The following PLCL2 variants were observed in gnomAD, a reference collection of about 807,000 sequenced individuals.
PLCL2 encodes phospholipase C like 2.
In PLCL2, 4 loss-of-function variants were observed where a neutral mutation model predicts 79.6. The observed-to-expected ratio is 0.05, with a 90% CI of 0.02 to 0.11. The LOEUF is 0.11. PLCL2 is among the 10% of genes least tolerant of loss of function. PLCL2 has a pLI of 1.00. For synonymous variants in PLCL2, 484 were observed against 457.7 expected (o/e 1.06, Z -0.73); for missense variants, 895 against 1,291.0 (o/e 0.69, Z 4.70).
intron 1 of PLCL2, among the ~76,000 whole-genome samples, chr3:16,976,062 A>C (rs1024565404): frequency 5.9e-5 from 9 of 152,194 alleles, no homozygotes; most frequent in Non-Finnish European, 1.0e-4. Context: ...TCTGAGAAGA[A>C]GTGGGCAAGG....
chr3:16,940,700 A>G (rs528589364), intron 1 of PLCL2, among the ~76,000 whole-genome samples: 1 of 152,374 alleles, frequency 6.6e-6, no homozygotes, highest in South Asian at 2.1e-4. Flanking sequence ...ATAGAGGTTC[A>G]AATCTTGGCT....
At chr3:16,910,612 G>A (rs376274832) in intron 1 of PLCL2, among the ~76,000 whole-genome samples, 1 of 151,960 alleles carries the variant, frequency 6.6e-6, no homozygotes, top group African/African-American at 2.4e-5. Context: ...ATCCCGTCTT[G>A]TGGCTTTAAG....
chr3:16,973,866 A>G (rs902543700), intron 1 of PLCL2, among the ~76,000 whole-genome samples: 1 of 152,236 alleles, frequency 6.6e-6, no homozygotes, highest in Non-Finnish European at 1.5e-5. Flanking sequence ...AATGAGAGAA[A>G]TAGATATAAA....
At chr3:16,912,322 A>G (rs897974467) in intron 1 of PLCL2, among the ~76,000 whole-genome samples, 2 of 152,170 alleles carry the variant, frequency 1.3e-5, no homozygotes, top group Non-Finnish European at 2.9e-5. Flanking sequence ...ACTGACATGG[A>G]AGGATGAAAC....
intron 1 of PLCL2, among the ~76,000 whole-genome samples, chr3:16,991,658 A>T (rs1177937793): frequency 6.6e-6 from 1 of 152,116 alleles, no homozygotes; most frequent in Non-Finnish European, 1.5e-5. Flanking sequence ...GGCCATGGAG[A>T]GGGTTGGTTT....
chr3:16,957,012 T>C (rs1394673137), intron 1 of PLCL2, among the ~76,000 whole-genome samples: 1 of 152,216 alleles, frequency 6.6e-6, no homozygotes, highest in African/African-American at 2.4e-5. Context: ...GAAGGGTTTT[T>C]TGTGTCTCTA....
chr3:17,052,255 T>TG (rs141703393), intron 4 of PLCL2, among the ~76,000 whole-genome samples: 46,996 of 124,970 alleles, frequency 0.38, 9,867 homozygotes, highest in Non-Finnish European at 0.47. Flanking sequence ...AAAAAAAAAT[T>TG]GGGGGGGGGT....
At chr3:17,082,791 T>C (rs542551872) in intron 5 of PLCL2, among the ~76,000 whole-genome samples, 1 of 152,234 alleles carries the variant, frequency 6.6e-6, no homozygotes. Context: ...GACATAACTT[T>C]TCGTGAAGAA....
chr3:16,949,677 T>A (rs577122288), intron 1 of PLCL2, among the ~76,000 whole-genome samples: 1 of 152,336 alleles, frequency 6.6e-6, no homozygotes, highest in South Asian at 2.1e-4. Flanking sequence ...CTCCTCCCAC[T>A]TTGTTTAATT....
intron 1 of PLCL2, among the ~76,000 whole-genome samples, chr3:16,999,547 G>T (rs1226685090): frequency 6.6e-6 from 1 of 152,154 alleles, no homozygotes; most frequent in Non-Finnish European, 1.5e-5. Context: ...CTGTGAGGTA[G>T]GTACCATAAA....
intron 1 of PLCL2, among the ~76,000 whole-genome samples, chr3:16,899,006 G>A (rs1378983728): frequency 2.0e-5 from 3 of 152,254 alleles, no homozygotes; most frequent in Admixed American, 6.5e-5. Context: ...CATTAGTGCT[G>A]TGCTGGGGCG....
chr3:16,902,378 A>G (rs796154596), intron 1 of PLCL2, among the ~76,000 whole-genome samples: 6 of 152,284 alleles, frequency 3.9e-5, no homozygotes, highest in Admixed American at 1.3e-4. Context: ...AAATTAAACA[A>G]TTGCGTGATT....
At chr3:17,060,972 A>G (rs879489851) in intron 4 of PLCL2, among the ~76,000 whole-genome samples, 1 of 152,208 alleles carries the variant, frequency 6.6e-6, no homozygotes, top group Non-Finnish European at 1.5e-5. Context: ...GCTTTTTGGG[A>G]CAGCAAAGTA....
intron 3 of PLCL2, among the ~76,000 whole-genome samples, chr3:17,039,536 A>C (rs1254563887): frequency 6.6e-6 from 1 of 152,250 alleles, no homozygotes; most frequent in Non-Finnish European, 1.5e-5. Context: ...ATTTAATTAT[A>C]AATATGTACC....
At chr3:17,061,000 CTAATCTT>C (rs2064947060) in intron 4 of PLCL2, among the ~76,000 whole-genome samples, 1 of 152,138 alleles carries the variant, frequency 6.6e-6, no homozygotes, top group Non-Finnish European at 1.5e-5. Flanking sequence ...AGTTGAAAAA[CTAATCTT>C]TAAGTGTATC....
chr3:17,004,476 A>G lies in PLCL2; in HGVS notation c.328-5198A>G, dbSNP rs1466362017. Among the ~76,000 whole-genome samples the G allele has an allele frequency of 2.6e-5, 4 of 152,268 alleles. No homozygotes were observed. The East Asian group carries it at 7.7e-4, about 29-fold the overall frequency. ...TACTTGCAATAAAGGGCCTTTCCAC[A>G]TGAGCAAGAAGCAGCATTTAACTGT... On this transcript the variant is annotated intron_variant, in intron 1 of 5. Coordinates refer to ENST00000615277, the MANE Select transcript of PLCL2 (RefSeq NM_001144382.2).
chr3:17,004,140 G>A (rs2064237274), intron 1 of PLCL2, among the ~76,000 whole-genome samples: 1 of 152,034 alleles, frequency 6.6e-6, no homozygotes. Context: ...CCGTTCCCTT[G>A]GTTTCTGTGT....
At chr3:16,900,214 T>C (rs557968644) in intron 1 of PLCL2, among the ~76,000 whole-genome samples, 1 of 152,314 alleles carries the variant, frequency 6.6e-6, no homozygotes, top group South Asian at 2.1e-4. Flanking sequence ...TTTTTCTTCT[T>C]GACAGAGGTA....
chr3:16,980,728 C>T (rs1339849368), intron 1 of PLCL2, among the ~76,000 whole-genome samples: 11 of 152,068 alleles, frequency 7.2e-5, no homozygotes, highest in African/African-American at 1.2e-4. Flanking sequence ...GCTTCCCAGA[C>T]GGGGTGGCGG....
Sources: gnomAD v4.1 joint callset for allele counts (sites outside exome capture counted in the v4.1 genomes callset) on GRCh38, gnomAD v4.1.1 for gene constraint, MANE v1.5 for transcripts, NCBI Gene and HGNC (gene_info 2026-07-23, HGNC 2026-07-21) for gene names.